The following THRB variants were observed in gnomAD, a reference collection of about 807,000 sequenced individuals.
The protein encoded by THRB is thyroid hormone receptor beta.
In THRB, 12 loss-of-function variants were observed where a neutral mutation model predicts 47.8. That is an observed-to-expected ratio of 0.25 (90% CI 0.16 to 0.41). The LOEUF (loss-of-function observed/expected upper bound fraction) is 0.41, where lower values mean the gene tolerates loss of function less well. Among genes scored for constraint, THRB ranks in the 10% least tolerant of loss-of-function variants. The probability of loss-of-function intolerance (pLI) is 1.00; values close to 1 mark genes in which losing one functional copy is unlikely to be tolerated. For missense variants in THRB, 348 were observed against 589.2 expected (o/e 0.59, Z 4.24); for synonymous variants, 218 against 212.2 (o/e 1.03, Z -0.24).
In THRB at chr3:24,453,300, G is replaced by A. The variant is rs146950936; in HGVS notation, c.-261+41352C>T. Among the ~76,000 whole-genome samples the A allele has an allele frequency of 1.0e-3, 156 of 152,170 alleles. No individual in the cohort carries two copies. The East Asian group carries it at 0.023, about 22-fold the overall frequency. Reference sequence around the variant, plus strand: ...ATTTTCATAACAACTTCACATCATGGCTCCTATGATTATTTTCATTTAACG... The same window carrying A: ...ATTTTCATAACAACTTCACATCATGACTCCTATGATTATTTTCATTTAACG... On this transcript the variant is annotated intron_variant, in intron 1 of 10. Coordinates refer to ENST00000646209, the MANE Select transcript of THRB (RefSeq NM_001354712.2).
At chr3:24,381,826 G>T (rs1279262243) in intron 1 of THRB, among the ~76,000 whole-genome samples, 4 of 151,790 alleles carry the variant, frequency 2.6e-5, no homozygotes, top group African/African-American at 9.7e-5. Flanking sequence ...AAAACAAAAA[G>T]GTCTCGGGGA....
intron 3 of THRB, among the ~76,000 whole-genome samples, chr3:24,277,619 T>C (rs1256853252): frequency 2.6e-5 from 4 of 152,194 alleles, no homozygotes; most frequent in Non-Finnish European, 5.9e-5. Flanking sequence ...ATGTGAGTTT[T>C]TTCATCTATA....
chr3:24,385,776 T>C (rs1332283667), intron 1 of THRB, among the ~76,000 whole-genome samples: 1 of 152,100 alleles, frequency 6.6e-6, no homozygotes, highest in Non-Finnish European at 1.5e-5. Context: ...TGTTCCCAAA[T>C]GGAACTGGCC....
chr3:24,122,752 C>G lies in THRB; in HGVS notation c.*132G>C. 1 of 1,311,864 alleles carries G rather than the reference C, an allele frequency of 7.6e-7. No homozygotes were observed. The highest frequency in any genetic ancestry group is 1.1e-6 in the Non-Finnish European group (1 of 918,928). 81.3% of individuals were successfully genotyped at this position (1,311,864 alleles called of 1,614,324 possible). On this transcript the variant is annotated 3_prime_UTR_variant, in exon 11 of 11. Coordinates refer to ENST00000646209, the MANE Select transcript of THRB (RefSeq NM_001354712.2). ...AGGGGCAATTTCATCCATGTCTATG[C>G]CAAGGACTACTTCCCTTTTCCCTCC... is the stretch of plus-strand genomic sequence containing the variant.
At chr3:24,461,957 C>T (rs969618137) in intron 1 of THRB, among the ~76,000 whole-genome samples, 1 of 152,044 alleles carries the variant, frequency 6.6e-6, no homozygotes. Context: ...GAATAATGTT[C>T]ATGATACATT....
chr3:24,473,836 G>A (rs1183612358), intron 1 of THRB, among the ~76,000 whole-genome samples: 3 of 152,104 alleles, frequency 2.0e-5, no homozygotes, highest in Admixed American at 2.0e-4. Flanking sequence ...ACTATCACAG[G>A]AACAGAAAAC....
At chr3:24,360,789 C>T (rs546724801) in intron 1 of THRB, among the ~76,000 whole-genome samples, 42 of 152,294 alleles carry the variant, frequency 2.8e-4, no homozygotes, top group African/African-American at 9.1e-4. Flanking sequence ...ATGTCCCCAA[C>T]ATGAATATAT....
chr3:24,357,353 A>C lies in THRB; in HGVS notation c.-260-19982T>G, dbSNP rs13434015. Among the ~76,000 whole-genome samples, 854 of 144,608 alleles carry C rather than the reference A, an allele frequency of 5.9e-3. 14 individuals carry two copies. The highest frequency in any genetic ancestry group is 0.02 in the African/African-American group (791 of 38,936). 94.9% of individuals were successfully genotyped at this position (144,608 alleles called of 152,430 possible). A position where few individuals can be genotyped will look rare whatever the true frequency, so the allele number is the denominator to read the frequency against. On this transcript the variant is annotated intron_variant, in intron 1 of 10. Coordinates refer to ENST00000646209, the MANE Select transcript of THRB (RefSeq NM_001354712.2). ...TGGAATCCTTGTCTCTCCCAAAAAA[A>C]AAAAAAAAAAAAAAAAAAAAACAAA...
intron 5 of THRB, among the ~76,000 whole-genome samples, chr3:24,177,978 T>C (rs1396958513): frequency 6.6e-6 from 1 of 152,194 alleles, no homozygotes; most frequent in Non-Finnish European, 1.5e-5. Flanking sequence ...GACAATGTGC[T>C]CTTTGCCCCT....
chr3:24,142,241 C>G (rs750236838), intron 8 of THRB, among the ~76,000 whole-genome samples: 11 of 152,176 alleles, frequency 7.2e-5, no homozygotes, highest in Non-Finnish European at 1.5e-4. Context: ...CATCTACCTA[C>G]AGGATTGGTA....
intron 3 of THRB, among the ~76,000 whole-genome samples, chr3:24,272,175 C>T (rs2053405205): frequency 6.6e-6 from 1 of 152,122 alleles, no homozygotes; most frequent in African/African-American, 2.4e-5. Context: ...GATCTCTTCT[C>T]TACAAATAAT....
At chr3:24,299,124 T>C (rs1227300827) in intron 2 of THRB, among the ~76,000 whole-genome samples, 2 of 151,482 alleles carry the variant, frequency 1.3e-5, no homozygotes, top group South Asian at 4.2e-4. Flanking sequence ...GGCGGGCGCC[T>C]GTAGTCCCAG....
At chr3:24,280,807 C>CCATG (rs1171277583) in intron 3 of THRB, among the ~76,000 whole-genome samples, 1 of 151,838 alleles carries the variant, frequency 6.6e-6, no homozygotes, top group Non-Finnish European at 1.5e-5. Context: ...CCTCAGGAGC[C>CCATG]CATGCGATCA....
rs1415786816 is a variant in THRB, at chr3:24,163,228, TAATGGTGC to T, written c.284-10746_284-10739del. On this transcript the variant is annotated intron_variant, in intron 5 of 10. Transcript: ENST00000646209. ...TTACTCGAAGACTTGTAAAAGTAAA[TAATGGTGC>T]ATTTAAGAATATTTGCCTGTTTTGA... Among the ~76,000 whole-genome samples the T allele has an allele frequency of 5.9e-5, 9 of 152,322 alleles. No homozygotes were observed. In the East Asian group the frequency reaches 1.7e-3, roughly 29 times the overall value.
intron 1 of THRB, among the ~76,000 whole-genome samples, chr3:24,429,454 G>C (rs1027737661): frequency 6.6e-6 from 1 of 151,914 alleles, no homozygotes; most frequent in Non-Finnish European, 1.5e-5. Flanking sequence ...GACAAAGAAT[G>C]AATGAATGAA....
chr3:24,485,301 C>T (rs1697119873), intron 1 of THRB, among the ~76,000 whole-genome samples: 1 of 152,154 alleles, frequency 6.6e-6, no homozygotes, highest in Admixed American at 6.5e-5. Context: ...TCAAATTAAA[C>T]TTGAAATTCC....
At chr3:24,155,272 A>T (rs1575458786) in intron 5 of THRB, among the ~76,000 whole-genome samples, 2 of 152,138 alleles carry the variant, frequency 1.3e-5, no homozygotes, top group East Asian at 3.9e-4. Context: ...TATCTTCTTC[A>T]TGGGTGGAGG....
chr3:24,276,101 C>G (rs1330406675), intron 3 of THRB, among the ~76,000 whole-genome samples: 1 of 151,822 alleles, frequency 6.6e-6, no homozygotes. Flanking sequence ...CTGAGTTAAA[C>G]CATTATCATA....
intron 4 of THRB, among the ~76,000 whole-genome samples, chr3:24,215,277 A>G (rs1332747800): frequency 1.3e-5 from 2 of 152,236 alleles, no homozygotes; most frequent in Non-Finnish European, 2.9e-5. Flanking sequence ...AAATGATTTA[A>G]TTAATTCACA....
Sources: allele counts gnomAD v4.1 joint callset (sites outside exome capture counted in the v4.1 genomes callset), GRCh38; gene constraint gnomAD v4.1.1; transcripts MANE v1.5; gene names NCBI Gene and HGNC (gene_info 2026-07-23, HGNC 2026-07-21).